UBE2QL1: variants seen among roughly 807,000 people sequenced by gnomAD.
UBE2QL1 encodes the protein ubiquitin conjugating enzyme E2 QL1, also known as ubiquitin-conjugating enzyme E2Q-like protein 1.
A neutral mutation model predicts 12.6 loss-of-function variants in UBE2QL1; 5 were observed. The ratio of observed to expected loss-of-function variants is 0.40; its 90% CI spans 0.21 to 0.83. The LOEUF (loss-of-function observed/expected upper bound fraction) is 0.83. UBE2QL1 is among the 40% of genes least tolerant of loss of function. The pLI is 0.37. For synonymous variants in UBE2QL1, 96 were observed against 94.5 expected (o/e 1.02, Z -0.10); for missense variants, 99 against 222.6 (o/e 0.44, Z 3.53).
chr5:6,482,124 G>A (rs1049236452), intron 1 of UBE2QL1, among the ~76,000 whole-genome samples: 3 of 152,188 alleles, frequency 2.0e-5, no homozygotes, highest in African/African-American at 7.2e-5. Context: ...AACACCGTAT[G>A]GCAATGGAGG....
chr5:6,492,082 A>C lies in UBE2QL1; in HGVS notation c.*733A>C, dbSNP rs908225039. On this transcript the variant is annotated 3_prime_UTR_variant, in exon 2 of 2. Transcript: ENST00000399816. The stretch of plus-strand genomic sequence containing the variant: ...AGGATACTGCGACCACCCCTGGCAG[A>C]CGGTGGCGTAGACACCAGGTGCGCC... The C allele has an allele frequency of 2.6e-5, 4 of 152,266 alleles. No individual in the cohort carries two copies. Among genetic ancestry groups the C allele is most frequent in the African/African-American group, 9.6e-5 (4 of 41,460 alleles). The allele number at this position is 152,266 out of a possible 1,614,324, so 9.4% of individuals were successfully genotyped here.
At chr5:6,456,658 C>T (rs1399631290) in intron 1 of UBE2QL1, among the ~76,000 whole-genome samples, 1 of 152,204 alleles carries the variant, frequency 6.6e-6, no homozygotes, top group Non-Finnish European at 1.5e-5. Context: ...CATGACGACC[C>T]TTCCCCATTC....
chr5:6,467,863 A>G (rs960300204), intron 1 of UBE2QL1, among the ~76,000 whole-genome samples: 2 of 149,658 alleles, frequency 1.3e-5, no homozygotes, highest in African/African-American at 4.9e-5. Flanking sequence ...TTGCAGGTTT[A>G]TCTGTTTTTC....
At position 6,496,199 on chromosome 5, in the gene UBE2QL1, C is replaced by T. The variant is rs922194786; in HGVS notation, c.*4850C>T. Among the ~76,000 whole-genome samples, 5 of 152,178 alleles carry T rather than the reference C, an allele frequency of 3.3e-5. No individual in the cohort carries two copies. The highest frequency in any genetic ancestry group is 2.1e-4 in the South Asian group (1 of 4,818). The stretch of plus-strand genomic sequence containing the variant: ...AACCGCCAATTCACCCTGTGTCTCT[C>T]GCAGAATTAAAGCCAGGAGGTGGCT... On this transcript the variant is annotated 3_prime_UTR_variant, in exon 2 of 2. Coordinates refer to ENST00000399816, the MANE Select transcript of UBE2QL1 (RefSeq NM_001145161.3).
At chr5:6,462,961 G>A (rs910411905) in intron 1 of UBE2QL1, among the ~76,000 whole-genome samples, 21 of 152,152 alleles carry the variant, frequency 1.4e-4, no homozygotes, top group African/African-American at 3.9e-4. Context: ...AACGATAAAC[G>A]GAAGGCAGCA....
At chr5:6,464,175 C>G (rs943613598) in intron 1 of UBE2QL1, among the ~76,000 whole-genome samples, 5 of 152,156 alleles carry the variant, frequency 3.3e-5, no homozygotes, top group Non-Finnish European at 5.9e-5. Context: ...CAAACAAGGT[C>G]AGTTGTAAAC....
chr5:6,468,163 A>G (rs1181401375), intron 1 of UBE2QL1, among the ~76,000 whole-genome samples: 1 of 152,090 alleles, frequency 6.6e-6, no homozygotes, highest in Admixed American at 6.6e-5. Flanking sequence ...GCATGTGTCC[A>G]AGGTTAACAG....
chr5:6,453,170 G>A (rs1057368633), intron 1 of UBE2QL1, among the ~76,000 whole-genome samples: 1 of 152,168 alleles, frequency 6.6e-6, no homozygotes, highest in Non-Finnish European at 1.5e-5. Flanking sequence ...GAATCTCCCT[G>A]GTTCTGCTCT....
intron 1 of UBE2QL1, among the ~76,000 whole-genome samples, chr5:6,455,401 T>A (rs1739499475): frequency 6.6e-6 from 1 of 152,122 alleles, no homozygotes; most frequent in Admixed American, 6.5e-5. Flanking sequence ...AACAGACACT[T>A]GTGGCAGGGA....
At chr5:6,475,600 G>A (rs1467068430) in intron 1 of UBE2QL1, among the ~76,000 whole-genome samples, 4 of 151,698 alleles carry the variant, frequency 2.6e-5, no homozygotes, top group African/African-American at 9.7e-5. Context: ...GTAGCACACT[G>A]CTGGGTGGAG....
chr5:6,480,705 C>T (rs894588893), intron 1 of UBE2QL1, among the ~76,000 whole-genome samples: 1 of 152,176 alleles, frequency 6.6e-6, no homozygotes, highest in African/African-American at 2.4e-5. Context: ...TTTGTAAGCG[C>T]CCATGAACTG....
Position 6,491,471 on chromosome 5 carries a change from C to A in UBE2QL1, c.*122C>A. 1 of 1,296,208 alleles carries A rather than the reference C, an allele frequency of 7.7e-7. No individual in the cohort carries two copies. Among genetic ancestry groups the A allele is most frequent in the Non-Finnish European group, 1.0e-6 (1 of 979,048 alleles). 80.3% of individuals were successfully genotyped at this position (1,296,208 alleles called of 1,614,324 possible). On this transcript the variant is annotated 3_prime_UTR_variant, in exon 2 of 2. Transcript: ENST00000399816. ...TCCAGCCAGAACTGCATCCTGAATG[C>A]CCAGGAGACGTTTAAGTTATTTATG... is the stretch of plus-strand genomic sequence containing the variant.
At position 6,463,752 on chromosome 5, in the gene UBE2QL1, C is replaced by T. The variant is rs112968157; in HGVS notation, c.354+14505C>T. ...ACGCCGTTCTCCTGCCTCAGCCTCC[C>T]GAGTAGCTGGGACTACAGGCGCCCG... On this transcript the variant is annotated intron_variant, in intron 1 of 1. Coordinates refer to ENST00000399816, the MANE Select transcript of UBE2QL1 (RefSeq NM_001145161.3). Among the ~76,000 whole-genome samples the T allele has an allele frequency of 5.1e-4, 77 of 150,536 alleles. 1 individual carries two copies. In the South Asian group the frequency reaches 0.016, roughly 30 times the overall value.
intron 1 of UBE2QL1, among the ~76,000 whole-genome samples, chr5:6,467,560 A>C (rs983821183): frequency 8.5e-5 from 13 of 152,188 alleles, no homozygotes; most frequent in African/African-American, 3.1e-4. Flanking sequence ...TCTATTTCCA[A>C]ATACAGTCTC....
At chr5:6,460,724 T>G (rs986988419) in intron 1 of UBE2QL1, among the ~76,000 whole-genome samples, 1 of 152,272 alleles carries the variant, frequency 6.6e-6, no homozygotes, top group African/African-American at 2.4e-5. Context: ...TAAATTAGCT[T>G]GATTTCTTTT....
chr5:6,486,038 G>A (rs368650242), intron 1 of UBE2QL1, among the ~76,000 whole-genome samples: 7 of 152,118 alleles, frequency 4.6e-5, no homozygotes, highest in East Asian at 3.9e-4. Context: ...AAGATCTTCC[G>A]TGATAGCTGA....
intron 1 of UBE2QL1, among the ~76,000 whole-genome samples, chr5:6,482,856 A>T (rs541109488): frequency 1.3e-5 from 2 of 152,290 alleles, no homozygotes; most frequent in South Asian, 2.1e-4. Flanking sequence ...GCTGGGGATG[A>T]TCCAGCTCCA....
At position 6,460,147 on chromosome 5, in the gene UBE2QL1, A is replaced by G. The variant is rs763099210; in HGVS notation, c.354+10900A>G. Among the ~76,000 whole-genome samples, 81 of 152,178 alleles carry G rather than the reference A, an allele frequency of 5.3e-4. 1 individual carries two copies. Among genetic ancestry groups the G allele is most frequent in the Admixed American group, 9.8e-4 (15 of 15,280 alleles). ...GATCTGCAGGCAGAGGCAAGGCTCC[A>G]GCGCCTTACCCCTTCTGAGTGTGGC... On this transcript the variant is annotated intron_variant, in intron 1 of 1. Transcript: ENST00000399816.
Position 6,491,283 on chromosome 5 carries a change from C to T in UBE2QL1, c.420C>T (p.Thr140=). 6.4e-7 allele frequency: 1 copy of T among 1,551,736 alleles called. No individual in the cohort carries two copies. The highest frequency in any genetic ancestry group is 1.7e-4 in the Middle Eastern group (1 of 5,992). Residue 140 remains threonine, a synonymous_variant, in exon 2 of 2, where the codon ACC becomes ACT. Transcript: ENST00000399816. The part of the protein sequence containing the change: ...KSFSRKEAEA[T]FKSLVKTHEK... ...TCAGTCGCAAGGAAGCTGAAGCTAC[C>T]TTTAAGAGTTTGGTGAAGACGCATG...
Sources: gnomAD v4.1 joint callset for allele counts (sites outside exome capture counted in the v4.1 genomes callset) on GRCh38, gnomAD v4.1.1 for gene constraint, MANE v1.5 for transcripts, NCBI Gene and HGNC (gene_info 2026-07-23, HGNC 2026-07-21) for gene names.